Variants in ALDH3A1 observed in about 807,000 individuals in gnomAD.
The protein encoded by ALDH3A1 is aldehyde dehydrogenase 3 family member A1.
ALDH3A1 carries 46 observed loss-of-function variants against 49.9 expected under a neutral mutation model. The ratio of observed to expected loss-of-function variants is 0.92; its 90% CI spans 0.73 to 1.18. The LOEUF (loss-of-function observed/expected upper bound fraction) is 1.18, where lower values mean the gene tolerates loss of function less well. ALDH3A1 is among the 50% of genes most tolerant of loss of function. The probability of loss-of-function intolerance (pLI) is 0.00; values close to 1 mark genes in which losing one functional copy is unlikely to be tolerated. For synonymous variants in ALDH3A1, 269 were observed against 253.3 expected (o/e 1.06, Z -0.59); for missense variants, 592 against 611.8 (o/e 0.97, Z 0.34).
rs750543026 is a variant in ALDH3A1 at position 19,740,319 on chromosome 17, C to T, written c.949+17G>A. On this transcript the variant is annotated intron_variant, in intron 7 of 10. Transcript: ENST00000225740. ...GCAGCCTGGGCAGGTGGGCTGTGCT[C>T]TTCAGGGGTCACGCACCTATGTAGC... 1.9e-6 allele frequency: 3 copies of T among 1,613,146 alleles called. No homozygotes were observed. In the East Asian group the frequency reaches 6.7e-5, roughly 36 times the overall value.
At position 19,743,121 on chromosome 17, in the gene ALDH3A1, C is replaced by A. The variant is rs1257184043; in HGVS notation, c.394+111G>T. 6.5e-7 allele frequency: 1 copy of A among 1,543,678 alleles called. No homozygotes were observed. Among genetic ancestry groups the A allele is most frequent in the East Asian group, 2.4e-5 (1 of 41,044 alleles). Reference sequence around the variant, plus strand: ...CCACAGCCTCCTGTGACAGACCCAGCAAACCCTTATCTGACCCCAGGACTC... The same window carrying A: ...CCACAGCCTCCTGTGACAGACCCAGAAAACCCTTATCTGACCCCAGGACTC... On this transcript the variant is annotated intron_variant, in intron 3 of 10. Transcript: ENST00000225740. This position sits in a 1 kb window ranked among gnomAD's most constrained non-coding sequence, Gnocchi z 4.4.
chr17:19,738,685 C>A (rs1423472885), intron 9 of ALDH3A1: 45 of 650,208 alleles, frequency 6.9e-5, no homozygotes, highest in Non-Finnish European at 1.1e-4. Context: ...CCCAGGGCAT[C>A]CACACTGTGG....
chr17:19,740,948 G>T, intron 6 of ALDH3A1, 145 bp downstream of exon 6: 1 of 650,978 alleles, frequency 1.5e-6, no homozygotes, highest in Non-Finnish European at 2.6e-6. Context: ...TTACCGGTGT[G>T]AGCCACCATG....
intron 9 of ALDH3A1, chr17:19,738,677 C>T (rs2086433113): frequency 7.6e-6 from 5 of 658,592 alleles, no homozygotes; most frequent in Non-Finnish European, 1.3e-5. Flanking sequence ...AGGGTGTCCC[C>T]AGGGCATCCA....
At position 19,742,219 on chromosome 17, in the gene ALDH3A1, T is replaced by G. The variant is rs543542339; in HGVS notation, c.481-7A>C. ...TGATTACTGGGTACAGATCCTTCCATGCAAGGAGAGAGGGGAGGCTCAGCA... is the reference window on the plus strand; with the variant it reads ...TGATTACTGGGTACAGATCCTTCCAGGCAAGGAGAGAGGGGAGGCTCAGCA... On this transcript the variant is annotated splice_polypyrimidine_tract_variant and splice_region_variant and intron_variant, in intron 4 of 10. Transcript: ENST00000225740. The G allele has an allele frequency of 6.2e-7, 1 of 1,613,486 alleles. No homozygotes were observed. The highest frequency in any genetic ancestry group is 1.3e-5 in the African/African-American group (1 of 74,900).
At chr17:19,744,479 G>A (rs1259533640) in intron 2 of ALDH3A1, 7 of 985,284 alleles carry the variant, frequency 7.1e-6, no homozygotes, top group Non-Finnish European at 8.4e-6. Flanking sequence ...GGGCTCCGGA[G>A]CGCTGGACCC....
At position 19,744,995 on chromosome 17, in the gene ALDH3A1, C is replaced by T. The variant is rs1472041064; in HGVS notation, c.135G>A (p.Val45=). The change falls in exon 2 of 11, where the codon GTG becomes GTA. Residue 45 remains valine, a synonymous_variant. Coordinates refer to ENST00000225740, the MANE Select transcript of ALDH3A1 (RefSeq NM_000691.5). The part of the protein sequence containing the change: ...RLIQEQEQEL[V]GALAADLHKN... Reference sequence around the variant, plus strand: ...TGTGCAGGTCTGCGGCCAGCGCGCCCACCAGCTCCTGCTCCTGCTCCTGGA... The same window carrying T: ...TGTGCAGGTCTGCGGCCAGCGCGCCTACCAGCTCCTGCTCCTGCTCCTGGA... 1.3e-6 allele frequency: 2 copies of T among 1,587,782 alleles called. No individual in the cohort carries two copies. The highest frequency in any genetic ancestry group is 8.5e-7 in the Non-Finnish European group (1 of 1,175,562).
At chr17:19,745,281 C>T (rs1394904828) in intron 1 of ALDH3A1, 147 bp from the exon 2 acceptor site, 6 of 838,958 alleles carry the variant, frequency 7.2e-6, no homozygotes, top group Admixed American at 7.2e-5. Flanking sequence ...TCTGCCTCGC[C>T]TCCTCTCCCG....
At position 19,738,343 on chromosome 17, in the gene ALDH3A1, A is replaced by C; in HGVS notation, c.1327T>G (p.Tyr443Asp). 1 of 1,613,484 alleles carries C rather than the reference A, an allele frequency of 6.2e-7. No individual in the cohort carries two copies. The highest frequency in any genetic ancestry group is 8.5e-7 in the Non-Finnish European group (1 of 1,179,468). ...CTCACCTTGGCCGGGCTCGGGGGGT[A>C]TCTGACCTTCAGGCCTTCATCATTC... Reference protein sequence around the residue: ...LMNDEGLKVRYPPSPAKMTQH With the variant: ...LMNDEGLKVRDPPSPAKMTQH Residue 443 changes from tyrosine (Y) to aspartate (D), a missense_variant, in exon 10 of 11, where the codon TAC (tyrosine) becomes GAC (aspartate). Transcript: ENST00000225740.
chr17:19,739,196 G>A, intron 8 of ALDH3A1, 101 bp from the exon 9 acceptor site: 1 of 1,077,086 alleles, frequency 9.3e-7, no homozygotes. Flanking sequence ...ACAAGGACAG[G>A]AGCAGGTGGA....
chr17:19,738,434 G>A lies in ALDH3A1; in HGVS notation c.1236C>T (p.Ser412=). 1.2e-6 allele frequency: 2 copies of A among 1,613,318 alleles called. No homozygotes were observed. The highest frequency in any genetic ancestry group is 1.7e-6 in the Non-Finnish European group (2 of 1,179,520). ...FGGVGNSGMG[S]YHGKKSFETF... is the part of the protein sequence containing the mutation. ...TCTCGAAGCTCTTCTTGCCATGGTA[G>A]GATCCCATGCCGCTGTTCCCTGCGG... The change falls in exon 10 of 11, where the codon TCC becomes TCT. Residue 412 remains serine, a synonymous_variant. Coordinates refer to ENST00000225740, the MANE Select transcript of ALDH3A1 (RefSeq NM_000691.5).
chr17:19,744,693 C>T (rs1048228012), intron 2 of ALDH3A1: 2 of 1,332,406 alleles, frequency 1.5e-6, no homozygotes, highest in East Asian at 6.6e-5. Context: ...ACCAGAAGTT[C>T]AGGGTGTCGG....
At chr17:19,742,358 G>T (rs1343666646) in intron 4 of ALDH3A1, 146 bp from the exon 5 acceptor site, 4 of 1,116,730 alleles carry the variant, frequency 3.6e-6, no homozygotes, top group Admixed American at 2.2e-5. Flanking sequence ...ACTGGCAGTA[G>T]ACCGCCTTTC....
intron 5 of ALDH3A1, 66 bp downstream of exon 5, chr17:19,741,938 G>A (rs2086499366): frequency 1.3e-6 from 2 of 1,482,750 alleles, no homozygotes; most frequent in Non-Finnish European, 1.9e-6. Context: ...ACAGCATGAG[G>A]TGCAGTCATG....
rs2086538201 is a variant in ALDH3A1 at position 19,743,374 on chromosome 17, A to G, written c.252T>C (p.Asp84=). 1.2e-6 allele frequency: 2 copies of G among 1,614,164 alleles called. No homozygotes were observed. Among genetic ancestry groups the G allele is most frequent in the Non-Finnish European group, 1.7e-6 (2 of 1,180,026 alleles). The change falls in exon 3 of 11, where the codon GAT becomes GAC. Residue 84 remains aspartate (D), a synonymous_variant. Transcript: ENST00000225740. The surrounding 1 kb of genome is among the most constrained non-coding windows in gnomAD (Gnocchi z 4.4). ...TCTGGGGCGTCTTCTCCACGGGCTCATCCGCGGCCCACTCAGGGAGCTTCT... is the reference window on the plus strand; with the variant it reads ...TCTGGGGCGTCTTCTCCACGGGCTCGTCCGCGGCCCACTCAGGGAGCTTCT... ...MIQKLPEWAA[D]EPVEKTPQTQ... is the part of the protein sequence containing the mutation.
Position 19,742,643 on chromosome 17 carries a change from C to A in ALDH3A1, c.395-13G>T. The A allele has an allele frequency of 1.2e-6, 2 of 1,613,842 alleles. No individual in the cohort carries two copies. Among genetic ancestry groups the A allele is most frequent in the Non-Finnish European group, 1.7e-6 (2 of 1,179,994 alleles). ...ACCACTGAGTTCCCTGCAGAGCACA[C>A]CGAGCCAGGCCTATGCCCAGGGTAC... On this transcript the variant is annotated splice_polypyrimidine_tract_variant and intron_variant, in intron 3 of 10. Transcript: ENST00000225740.
chr17:19,747,620 G>T (rs1240337687), intron 1 of ALDH3A1, among the ~76,000 whole-genome samples: 1 of 152,070 alleles, frequency 6.6e-6, no homozygotes, highest in Non-Finnish European at 1.5e-5. Flanking sequence ...AGAGATGAGT[G>T]GACACCATCA....
In ALDH3A1 at chr17:19,739,044, C is replaced by T. The variant is rs774582773; in HGVS notation, c.1168G>A (p.Asp390Asn). 3.1e-6 allele frequency: 5 copies of T among 1,613,820 alleles called. No homozygotes were observed. Among genetic ancestry groups the T allele is most frequent in the Admixed American group, 1.7e-5 (1 of 59,994 alleles). Residue 390 changes from aspartate (D) to asparagine (N), a missense_variant, in exon 9 of 11, where the codon GAT (aspartate) becomes AAT (asparagine). Physicochemically the swap from Asp to Asn is conservative, Grantham distance 23. Transcript: ENST00000225740. ...ETSSGGVAAN[D>N]VIVHITLHSL... is the part of the protein sequence containing the mutation. Reference sequence around the variant, plus strand: ...TGCAAGGTGATGTGGACGATGACATCGTTGGCCGCCACCCCACCACTGGAT... The same window carrying T: ...TGCAAGGTGATGTGGACGATGACATTGTTGGCCGCCACCCCACCACTGGAT...
At position 19,744,736 on chromosome 17, in the gene ALDH3A1, G is replaced by A. The variant is rs1354953477; in HGVS notation, c.162+232C>T. ...GGAAGTTGAAATGGGGGACGCTGCG[G>A]GCGGGACGCGGAGGCCGGGCCAGGA... is the stretch of plus-strand genomic sequence containing the variant. On this transcript the variant is annotated intron_variant, in intron 2 of 10. Coordinates refer to ENST00000225740, the MANE Select transcript of ALDH3A1 (RefSeq NM_000691.5). 3.7e-6 allele frequency: 5 copies of A among 1,358,352 alleles called. No homozygotes were observed. The African/African-American group carries it at 6.2e-5, about 17-fold the overall frequency. 84.1% of individuals were successfully genotyped at this position (1,358,352 alleles called of 1,614,324 possible). A position where few individuals can be genotyped will look rare whatever the true frequency, so the allele number is the denominator to read the frequency against.
Sources: gnomAD v4.1 joint callset for allele counts (sites outside exome capture counted in the v4.1 genomes callset) on GRCh38, gnomAD v4.1.1 for gene constraint, Gnocchi (gnomAD v3.1) non-coding constraint, MANE v1.5 for transcripts, NCBI Gene and HGNC (gene_info 2026-07-23, HGNC 2026-07-21) for gene names.